ALPL: variants seen among roughly 807,000 people sequenced by gnomAD.
The protein encoded by ALPL is alkaline phosphatase, biomineralization associated.
A neutral mutation model predicts 51.3 loss-of-function variants in ALPL; 42 were observed. The observed-to-expected ratio is 0.82, with a 90% CI of 0.64 to 1.06. ALPL has a LOEUF of 1.06. ALPL is among the 50% of genes least tolerant of loss of function. The probability of loss-of-function intolerance (pLI) is 0.00; values close to 1 mark genes in which losing one functional copy is unlikely to be tolerated. For synonymous variants in ALPL, 279 were observed against 296.4 expected (o/e 0.94, Z 0.60); for missense variants, 589 against 709.4 (o/e 0.83, Z 1.93).
At chr1:21,539,420 T>C (rs1166433399) in intron 1 of ALPL, among the ~76,000 whole-genome samples, 1 of 152,172 alleles carries the variant, frequency 6.6e-6, no homozygotes, top group African/African-American at 2.4e-5. Flanking sequence ...ATATGTAAAA[T>C]AGGATTTTTC....
chr1:21,526,222 C>T (rs1643939583), intron 1 of ALPL, among the ~76,000 whole-genome samples: 1 of 152,058 alleles, frequency 6.6e-6, no homozygotes, highest in African/African-American at 2.4e-5. Context: ...TCACTGCAAC[C>T]TCCGCCTCCC....
intron 1 of ALPL, among the ~76,000 whole-genome samples, chr1:21,530,390 G>A (rs1270262283): frequency 6.6e-6 from 1 of 152,168 alleles, no homozygotes; most frequent in Non-Finnish European, 1.5e-5. Flanking sequence ...TAACTTGTGA[G>A]CTTACTCCGT....
At chr1:21,514,264 C>T (rs919896934) in intron 1 of ALPL, among the ~76,000 whole-genome samples, 1 of 152,072 alleles carries the variant, frequency 6.6e-6, no homozygotes, top group Non-Finnish European at 1.5e-5. Context: ...GGACAGGCAT[C>T]GCTGGGTACT....
At chr1:21,551,429 G>A (rs983882630) in intron 1 of ALPL, 4 of 152,074 alleles carry the variant, frequency 2.6e-5, no homozygotes, top group Non-Finnish European at 4.4e-5. Context: ...CCTGAAAGAG[G>A]TGACTTCATT....
intron 9 of ALPL, 166 bp downstream of exon 9, chr1:21,573,965 C>T (rs1446883129): frequency 4.1e-6 from 4 of 985,232 alleles, no homozygotes; most frequent in Non-Finnish European, 4.8e-6. Context: ...TAGACACTCC[C>T]AGCCCAGCAA....
chr1:21,559,754 A>T (rs1452946962), intron 2 of ALPL, among the ~76,000 whole-genome samples: 5 of 152,170 alleles, frequency 3.3e-5, no homozygotes, highest in African/African-American at 7.2e-5. Flanking sequence ...TCCTGAGCTC[A>T]GGTGATCTGC....
chr1:21,552,016 C>T (rs1257170340), intron 1 of ALPL, among the ~76,000 whole-genome samples: 2 of 149,998 alleles, frequency 1.3e-5, no homozygotes, highest in Non-Finnish European at 3.0e-5. Context: ...TGAGCCACCG[C>T]GCCCGGCCAT....
In ALPL at chr1:21,568,105, T is replaced by C. The variant is rs777699004; in HGVS notation, c.650T>C (p.Val217Ala). 1.1e-5 allele frequency: 17 copies of C among 1,613,798 alleles called. No individual in the cohort carries two copies. The highest frequency in any genetic ancestry group is 1.4e-5 in the Non-Finnish European group (16 of 1,179,992). ...AGTGATGGCTCCTGTCTCTTTTAGG[T>C]GATCATGGGGGGTGGCCGGAAATAC... ...QLMHNIRDIDVIMGGGRKYMY... is the reference protein window; with the variant it reads ...QLMHNIRDIDAIMGGGRKYMY... Residue 217 changes from valine (V) to alanine (A), a missense_variant and splice_region_variant, in exon 7 of 12, where the codon GTG (valine) becomes GCG (alanine). Transcript: ENST00000374840.
chr1:21,563,905 G>A (rs1644523886), intron 5 of ALPL, 136 bp from the exon 6 acceptor site: 1 of 1,124,216 alleles, frequency 8.9e-7, no homozygotes, highest in Admixed American at 2.0e-5. Context: ...TGCTGTGGAT[G>A]GGGAGACTGA....
chr1:21,564,236 C>T lies in ALPL; in HGVS notation c.648+20C>T, dbSNP rs368955682. The T allele has an allele frequency of 3.5e-5, 57 of 1,612,038 alleles. No individual in the cohort carries two copies. Among genetic ancestry groups the T allele is most frequent in the African/African-American group, 1.5e-4 (11 of 74,896 alleles). ...ATTGACGTGAGTGCTCGGGGGCAGC[C>T]GGGCAGGGACGGGGTGAGGCGGGGC... On this transcript the variant is annotated intron_variant, in intron 6 of 11. Coordinates refer to ENST00000374840, the MANE Select transcript of ALPL (RefSeq NM_000478.6). The surrounding 1 kb of genome is among the most constrained non-coding windows in gnomAD (Gnocchi z 5.8).
chr1:21,513,470 A>T (rs1351502642), intron 1 of ALPL, among the ~76,000 whole-genome samples: 1 of 151,626 alleles, frequency 6.6e-6, no homozygotes, highest in African/African-American at 2.4e-5. Flanking sequence ...AAGTCCTTGA[A>T]TACCTCTGTG....
intron 10 of ALPL, among the ~76,000 whole-genome samples, chr1:21,576,222 G>GGATGGAT (rs1222157946): frequency 5.0e-5 from 7 of 140,960 alleles, no homozygotes; most frequent in South Asian, 2.2e-4. Context: ...GATGGATGAT[G>GGATGGAT]GATGGATGGA....
At chr1:21,565,116 C>T (rs1644545017) in intron 6 of ALPL, among the ~76,000 whole-genome samples, 1 of 152,190 alleles carries the variant, frequency 6.6e-6, no homozygotes, top group Non-Finnish European at 1.5e-5. Flanking sequence ...TACACCTCAC[C>T]TCTTTCTCTC....
At chr1:21,552,105 T>C (rs1167049541) in intron 1 of ALPL, among the ~76,000 whole-genome samples, 22 of 22,826 alleles carry the variant, frequency 9.6e-4, no homozygotes, top group African/African-American at 2.6e-3. Flanking sequence ...TCCCTTCCCT[T>C]TCCTCCCCTT....
Position 21,568,090 on chromosome 1 carries a change from C to T in ALPL, c.649-14C>T. ...TTGGAACCCTGCAGAAGTGATGGCT[C>T]CTGTCTCTTTTAGGTGATCATGGGG... On this transcript the variant is annotated splice_polypyrimidine_tract_variant and intron_variant, in intron 6 of 11. Transcript: ENST00000374840. 2 of 1,614,000 alleles carry T rather than the reference C, an allele frequency of 1.2e-6. No homozygotes were observed. The highest frequency in any genetic ancestry group is 1.3e-5 in the African/African-American group (1 of 75,004).
At chr1:21,552,548 A>T (rs943430996) in intron 1 of ALPL, among the ~76,000 whole-genome samples, 1 of 152,072 alleles carries the variant, frequency 6.6e-6, no homozygotes, top group South Asian at 2.1e-4. Context: ...AAGAATTTTT[A>T]AAAAGAAAAG....
At chr1:21,524,785 A>G (rs1643919951) in intron 1 of ALPL, among the ~76,000 whole-genome samples, 1 of 152,192 alleles carries the variant, frequency 6.6e-6, no homozygotes, top group Non-Finnish European at 1.5e-5. Context: ...GGAGGCTCCG[A>G]GGCTCCAGCT....
At chr1:21,567,780 T>G (rs1644587270) in intron 6 of ALPL, among the ~76,000 whole-genome samples, 1 of 152,224 alleles carries the variant, frequency 6.6e-6, no homozygotes, top group Non-Finnish European at 1.5e-5. Context: ...AAATGCTTAG[T>G]GCCTGACACA....
rs548584557 is a variant in ALPL, at chr1:21,533,864, A to C, written c.-104-20114A>C. Among the ~76,000 whole-genome samples the C allele has an allele frequency of 2.6e-5, 4 of 151,752 alleles. No homozygotes were observed. In the East Asian group the frequency reaches 7.8e-4, roughly 29 times the overall value. On this transcript the variant is annotated intron_variant, in intron 1 of 11. Transcript: ENST00000374840. ...CCTGAACCTCGGAGGTGGAGTTTGC[A>C]GTGAGCCGAGATCGTGCCATTTCAC...
Sources: allele counts gnomAD v4.1 joint callset (sites outside exome capture counted in the v4.1 genomes callset), GRCh38; gene constraint gnomAD v4.1.1; non-coding constraint Gnocchi (gnomAD v3.1); transcripts MANE v1.5; gene names NCBI Gene and HGNC (gene_info 2026-07-23, HGNC 2026-07-21).